The following LAMA2 variants were observed in gnomAD, a reference collection of about 807,000 sequenced individuals.
LAMA2 encodes laminin subunit alpha 2, also known as laminin subunit alpha-2.
In LAMA2, 269 loss-of-function variants were observed where a neutral mutation model predicts 364.8. The observed-to-expected ratio is 0.74, with a 90% CI of 0.67 to 0.82. The LOEUF (loss-of-function observed/expected upper bound fraction) is 0.82. Among genes scored for constraint, LAMA2 ranks in the 40% least tolerant of loss-of-function variants. The pLI is 0.00. For missense variants in LAMA2, 3,807 were observed against 3,873.2 expected (o/e 0.98, Z 0.45); for synonymous variants, 1,379 against 1,370.6 (o/e 1.01, Z -0.14).
At chr6:129,026,992 A>G (rs978350389) in intron 1 of LAMA2, among the ~76,000 whole-genome samples, 3 of 152,090 alleles carry the variant, frequency 2.0e-5, no homozygotes, top group African/African-American at 7.2e-5. Context: ...GGTAGTTTCA[A>G]TTTTAAGATA....
At position 129,315,468 on chromosome 6, in the gene LAMA2, C is replaced by T; in HGVS notation, c.3556-8C>T. 9.3e-6 allele frequency: 15 copies of T among 1,613,614 alleles called. No homozygotes were observed. The highest frequency in any genetic ancestry group is 1.3e-5 in the Non-Finnish European group (15 of 1,179,586). On this transcript the variant is annotated splice_polypyrimidine_tract_variant and splice_region_variant and intron_variant, in intron 24 of 64. Coordinates refer to ENST00000421865, the MANE Select transcript of LAMA2 (RefSeq NM_000426.4). ...TTCAGCCTTCTGCTGTATTTTGACC[C>T]CTTGCAGGTGACTCTGAAGGCTGAG...
At position 129,247,831 on chromosome 6, in the gene LAMA2, T is replaced by C. The variant is rs547505556; in HGVS notation, c.1783-2281T>C. On this transcript the variant is annotated intron_variant, in intron 12 of 64. Transcript: ENST00000421865. ...CTATTATTATTAGCCCTCAGCAGAA[T>C]AGGGTAAATTATTTCTATTCCTTAG... is the stretch of plus-strand genomic sequence containing the variant. Among the ~76,000 whole-genome samples the C allele has an allele frequency of 5.4e-3, 826 of 152,346 alleles. 5 individuals are homozygous for C. The highest frequency in any genetic ancestry group is 0.01 in the Middle Eastern group (3 of 294).
rs370499258 is a variant in LAMA2, at chr6:129,372,654, G to T, written c.4959+2664G>T. Among the ~76,000 whole-genome samples, 94 of 152,302 alleles carry T rather than the reference G, an allele frequency of 6.2e-4. No homozygotes were observed. In the South Asian group the frequency reaches 7.3e-3, roughly 12 times the overall value. ...GGACTTAAGTTTTCAACCTATTTGG[G>T]TGAATATAAAGGAGCATGATTGCTG... On this transcript the variant is annotated intron_variant, in intron 34 of 64. Coordinates refer to ENST00000421865, the MANE Select transcript of LAMA2 (RefSeq NM_000426.4).
chr6:128,937,532 G>A (rs956578174), intron 1 of LAMA2, among the ~76,000 whole-genome samples: 16 of 151,804 alleles, frequency 1.1e-4, no homozygotes, highest in Admixed American at 8.5e-4. Context: ...AGTCTTGGTC[G>A]ATTCTATGTG....
chr6:129,383,154 C>T lies in LAMA2; in HGVS notation c.4992C>T (p.Thr1664=), dbSNP rs143078882. ...AAGTGACAGCAGATGGCGAGCAGAC[C>T]GGACAGGATGCTGAGAGGACCAACA... is the stretch of plus-strand genomic sequence containing the variant. ...ATKVTADGEQ[T]GQDAERTNTR... Residue 1664 remains threonine (T), a synonymous_variant, in exon 35 of 65, where the codon ACC becomes ACT. Coordinates refer to ENST00000421865, the MANE Select transcript of LAMA2 (RefSeq NM_000426.4). 142 of 1,613,722 alleles carry T rather than the reference C, an allele frequency of 8.8e-5. No homozygotes were observed. The highest frequency in any genetic ancestry group is 1.1e-4 in the Non-Finnish European group (129 of 1,179,872).
At chr6:129,514,229 AT>A in intron 63 of LAMA2, 143 bp from the exon 64 acceptor site, 1 of 706,130 alleles carries the variant, frequency 1.4e-6, no homozygotes, top group South Asian at 1.6e-5. Flanking sequence ...AAGTTTTAAA[AT>A]TTTTTTCAAT....
intron 1 of LAMA2, among the ~76,000 whole-genome samples, chr6:129,041,605 A>G (rs1787101168): frequency 6.6e-6 from 1 of 152,240 alleles, no homozygotes; most frequent in African/African-American, 2.4e-5. Context: ...CATATGTGTC[A>G]TATTTCTATA....
chr6:129,287,857 G>A lies in LAMA2; in HGVS notation c.2548G>A (p.Gly850Ser). ...TGPRCERCAEGYFGQPSVPGG... is the reference protein window; with the variant it reads ...TGPRCERCAESYFGQPSVPGG... The stretch of plus-strand genomic sequence containing the variant: ...AATTTCTTGCCTTAGGTGTGCAGAA[G>A]GCTATTTTGGACAACCCTCTGTACC... Residue 850 changes from glycine (G) to serine (S), a missense_variant, in exon 19 of 65, where the codon GGC becomes AGC. By Grantham distance (56) the Gly-to-Ser change is moderately conservative. Coordinates refer to ENST00000421865, the MANE Select transcript of LAMA2 (RefSeq NM_000426.4). 1 of 1,613,918 alleles carries A rather than the reference G, an allele frequency of 6.2e-7. No individual in the cohort carries two copies. Among genetic ancestry groups the A allele is most frequent in the South Asian group, 1.1e-5 (1 of 91,078 alleles).
intron 39 of LAMA2, among the ~76,000 whole-genome samples, chr6:129,402,742 T>G (rs1442182732): frequency 6.6e-6 from 1 of 152,218 alleles, no homozygotes; most frequent in Non-Finnish European, 1.5e-5. Context: ...TAGGCTACAC[T>G]TAGAAAAAAT....
chr6:129,050,239 G>T (rs1787904823), intron 2 of LAMA2, 151 bp downstream of exon 2: 1 of 765,032 alleles, frequency 1.3e-6, no homozygotes, highest in Admixed American at 2.2e-5. Context: ...GCCCCTCTCT[G>T]TCATTCAGCA....
intron 45 of LAMA2, among the ~76,000 whole-genome samples, chr6:129,448,078 A>G (rs1212005436): frequency 1.3e-5 from 2 of 152,208 alleles, no homozygotes; most frequent in African/African-American, 4.8e-5. Context: ...GCATGAACTC[A>G]GGAGTTTGAG....
At position 129,478,756 on chromosome 6, in the gene LAMA2, G is replaced by C. The variant is rs200364360; in HGVS notation, c.7515G>C (p.Pro2505=). The change falls in exon 54 of 65, where the codon CCG becomes CCC. Residue 2505 remains proline, a synonymous_variant. Transcript: ENST00000421865. ...CLKDIEISRT[P]YNILSSPDYV... Reference sequence around the variant, plus strand: ...AAGATATTGAAATTTCAAGAACTCCGTACAATATACTCAGTAGTCCCGATT... The same window carrying C: ...AAGATATTGAAATTTCAAGAACTCCCTACAATATACTCAGTAGTCCCGATT... 2 of 1,612,546 alleles carry C rather than the reference G, an allele frequency of 1.2e-6. No individual in the cohort carries two copies. The highest frequency in any genetic ancestry group is 1.7e-6 in the Non-Finnish European group (2 of 1,178,638).
intron 1 of LAMA2, among the ~76,000 whole-genome samples, chr6:128,973,880 T>G (rs550806373): frequency 6.6e-6 from 1 of 152,096 alleles, no homozygotes; most frequent in Admixed American, 6.5e-5. Flanking sequence ...GTGGATGGAG[T>G]TCGTGCTTTG....
chr6:129,221,077 G>A (rs747168286), intron 12 of LAMA2, among the ~76,000 whole-genome samples: 1 of 151,142 alleles, frequency 6.6e-6, no homozygotes, highest in African/African-American at 2.4e-5. Context: ...CAGGAGAATC[G>A]CTTGAACCTG....
chr6:129,429,099 G>T (rs1781466123), intron 41 of LAMA2, among the ~76,000 whole-genome samples: 1 of 151,972 alleles, frequency 6.6e-6, no homozygotes, highest in Admixed American at 6.6e-5. Context: ...TTGCCTAACT[G>T]CTTTCTTCCA....
chr6:129,492,490 G>A lies in LAMA2; in HGVS notation c.8244+7G>A, dbSNP rs774110380. Reference sequence around the variant, plus strand: ...CACCCCAGTTCTGACACATGTAAGTGTTTATATTATCCCCATTGCTTTCTA... The same window carrying A: ...CACCCCAGTTCTGACACATGTAAGTATTTATATTATCCCCATTGCTTTCTA... On this transcript the variant is annotated splice_region_variant and intron_variant, in intron 58 of 64. Coordinates refer to ENST00000421865, the MANE Select transcript of LAMA2 (RefSeq NM_000426.4). 5 of 1,611,644 alleles carry A rather than the reference G, an allele frequency of 3.1e-6. No individual in the cohort carries two copies. The African/African-American group carries it at 5.3e-5, about 17-fold the overall frequency.
intron 10 of LAMA2, among the ~76,000 whole-genome samples, chr6:129,178,278 C>T (rs1273059698): frequency 6.6e-6 from 1 of 151,974 alleles, no homozygotes; most frequent in Non-Finnish European, 1.5e-5. Context: ...AAGTTTGAAC[C>T]CAGATAAGCC....
At chr6:129,030,438 C>G (rs76006043) in intron 1 of LAMA2, among the ~76,000 whole-genome samples, 2,332 of 152,118 alleles carry the variant, frequency 0.015, 72 homozygotes, top group African/African-American at 0.053. Flanking sequence ...AGAACTGGGA[C>G]TGGAATTAGA....
chr6:128,947,922 C>T (rs1195383967), intron 1 of LAMA2, among the ~76,000 whole-genome samples: 1 of 151,826 alleles, frequency 6.6e-6, no homozygotes, highest in Non-Finnish European at 1.5e-5. Context: ...TTTAGGGAAG[C>T]AGAAATGACT....
Sources: allele counts gnomAD v4.1 joint callset (sites outside exome capture counted in the v4.1 genomes callset), GRCh38; gene constraint gnomAD v4.1.1; transcripts MANE v1.5; gene names NCBI Gene and HGNC (gene_info 2026-07-23, HGNC 2026-07-21).